Variants in RAB27A observed in about 807,000 individuals in gnomAD.
The protein encoded by RAB27A is RAB27A, member RAS oncogene family.
A neutral mutation model predicts 20.8 loss-of-function variants in RAB27A; 17 were observed. That is an observed-to-expected ratio of 0.82 (90% CI 0.56 to 1.23). The LOEUF (loss-of-function observed/expected upper bound fraction) is 1.23, where lower values mean the gene tolerates loss of function less well. Ranked by LOEUF, RAB27A falls within the 50% of genes most tolerant of loss-of-function variation. The pLI, the probability that RAB27A is intolerant of heterozygous loss-of-function variation, is 0.00. For missense variants in RAB27A, 277 were observed against 266.7 expected, an observed-to-expected ratio of 1.04 and a Z score of -0.27; for synonymous variants, 85 against 92.8, an observed-to-expected ratio of 0.92 and a Z score of 0.48.
intron 2 of RAB27A, among the ~76,000 whole-genome samples, chr15:55,236,750 G>T (rs1360134231): frequency 6.6e-6 from 1 of 151,676 alleles, no homozygotes; most frequent in African/African-American, 2.4e-5. Flanking sequence ...ATTTTTATGG[G>T]GTACATGTAA....
chr15:55,211,958 C>CTT (rs539618132), intron 6 of RAB27A, among the ~76,000 whole-genome samples: 2,017 of 124,284 alleles, frequency 0.016, 56 homozygotes, highest in African/African-American at 0.055. Flanking sequence ...GGACTATAAC[C>CTT]TTTTTTTTTT....
At chr15:55,259,441 C>A (rs567803031) in intron 2 of RAB27A, among the ~76,000 whole-genome samples, 6 of 151,292 alleles carry the variant, frequency 4.0e-5, no homozygotes, top group South Asian at 2.1e-4. Context: ...TGAGTCGCCA[C>A]GCCCAGCTAA....
rs536645341 is a variant in RAB27A, at chr15:55,207,354, G to A, written c.468-1649C>T. Among the ~76,000 whole-genome samples, 12 of 152,312 alleles carry A rather than the reference G, an allele frequency of 7.9e-5. No individual in the cohort carries two copies. In the South Asian group the frequency reaches 2.3e-3, roughly 29 times the overall value. On this transcript the variant is annotated intron_variant, in intron 6 of 6. Transcript: ENST00000336787. ...CAGGAAGTGAGTTACAGGGATACATGAGACATCAGCAATCCCTCAGTCCTT... is the reference window on the plus strand; with the variant it reads ...CAGGAAGTGAGTTACAGGGATACATAAGACATCAGCAATCCCTCAGTCCTT...
chr15:55,317,962 TTATAA>T (rs201778280), intron 1 of RAB27A: 18,295 of 370,038 alleles, frequency 0.049, 616 homozygotes, highest in Middle Eastern at 0.079. Context: ...AACAATATTT[TTATAA>T]TATGTTACTA....
chr15:55,284,849 C>G (rs1055512814), intron 1 of RAB27A, among the ~76,000 whole-genome samples: 3 of 152,192 alleles, frequency 2.0e-5, no homozygotes, highest in Non-Finnish European at 4.4e-5. Context: ...CTATAAAAGA[C>G]TAGAGTAAAA....
chr15:55,285,997 T>G (rs1898142007), intron 1 of RAB27A, among the ~76,000 whole-genome samples: 1 of 152,182 alleles, frequency 6.6e-6, no homozygotes, highest in Non-Finnish European at 1.5e-5. Context: ...ACTATTATTT[T>G]TGGGAAAGTA....
intron 1 of RAB27A, among the ~76,000 whole-genome samples, chr15:55,282,316 A>G (rs1286522001): frequency 1.3e-5 from 2 of 152,240 alleles, no homozygotes; most frequent in African/African-American, 4.8e-5. Flanking sequence ...CCTGCCATCA[A>G]TTAGCTATGT....
At chr15:55,235,734 A>G (rs1896227938) in intron 2 of RAB27A, among the ~76,000 whole-genome samples, 1 of 152,054 alleles carries the variant, frequency 6.6e-6, no homozygotes, top group African/African-American at 2.4e-5. Flanking sequence ...GAACCAGTCC[A>G]AATGCTCACC....
rs555954047 is a variant in RAB27A, at chr15:55,297,261, G to A, written c.-112+16778C>T. On this transcript the variant is annotated intron_variant, in intron 2 of 5. Transcript: ENST00000563262. ...CCTAAAAAATGTCTAGTAAGAAATTGTGTCAAAGAAATACGTGCATGTGTG... is the reference window on the plus strand; with the variant it reads ...CCTAAAAAATGTCTAGTAAGAAATTATGTCAAAGAAATACGTGCATGTGTG... Among the ~76,000 whole-genome samples the A allele has an allele frequency of 7.2e-5, 11 of 152,358 alleles. No homozygotes were observed. In the South Asian group the frequency reaches 1.4e-3, roughly 20 times the overall value.
At chr15:55,260,163 T>C (rs1164574382) in intron 2 of RAB27A, 2 of 152,210 alleles carry the variant, frequency 1.3e-5, no homozygotes, top group East Asian at 1.9e-4. Flanking sequence ...GATATACAAA[T>C]GGCAAATATG....
At chr15:55,212,136 T>G (rs1031024672) in intron 6 of RAB27A, among the ~76,000 whole-genome samples, 1 of 152,170 alleles carries the variant, frequency 6.6e-6, no homozygotes, top group Non-Finnish European at 1.5e-5. Flanking sequence ...CTATGTGTCT[T>G]ACATACATGA....
intron 2 of RAB27A, among the ~76,000 whole-genome samples, chr15:55,259,374 T>A (rs1216993534): frequency 1.3e-5 from 2 of 151,914 alleles, no homozygotes; most frequent in Admixed American, 6.6e-5. Context: ...CAGCCTCAAC[T>A]TCTCAGGCTC....
intron 2 of RAB27A, among the ~76,000 whole-genome samples, chr15:55,244,339 C>CA (rs1326463415): frequency 5.9e-5 from 9 of 151,738 alleles, no homozygotes; most frequent in South Asian, 2.1e-4. Flanking sequence ...ACAAACAAAA[C>CA]AAAACAAAAA....
rs1838969643 is a variant in RAB27A at position 55,204,856 on chromosome 15, C to A, written c.*651G>T. On this transcript the variant is annotated 3_prime_UTR_variant, in exon 7 of 7. Transcript: ENST00000336787. Reference sequence around the variant, plus strand: ...TATTACATTAAGCCAGCCTGCCCCACCCCAATCCCCTTCCCACCAATAAAA... The same window carrying A: ...TATTACATTAAGCCAGCCTGCCCCAACCCAATCCCCTTCCCACCAATAAAA... 1 of 153,430 alleles carries A rather than the reference C, an allele frequency of 6.5e-6. No individual in the cohort carries two copies. The highest frequency in any genetic ancestry group is 1.4e-5 in the Non-Finnish European group (1 of 69,024). The allele number at this position is 153,430 out of a possible 1,614,324, so 9.5% of individuals were successfully genotyped here.
At chr15:55,265,403 TA>T (rs950991792) in intron 2 of RAB27A, among the ~76,000 whole-genome samples, 2 of 152,176 alleles carry the variant, frequency 1.3e-5, no homozygotes, top group Admixed American at 6.5e-5. Flanking sequence ...AGCTAAGGAC[TA>T]AAGTCAGAAT....
chr15:55,251,799 T>C (rs1480330461), intron 2 of RAB27A, among the ~76,000 whole-genome samples: 1 of 152,216 alleles, frequency 6.6e-6, no homozygotes, highest in African/African-American at 2.4e-5. Context: ...TCATTTTCTT[T>C]CTATGAATTC....
chr15:55,274,512 T>A (rs1285773115), intron 1 of RAB27A, among the ~76,000 whole-genome samples: 5 of 151,178 alleles, frequency 3.3e-5, no homozygotes, highest in Non-Finnish European at 7.4e-5. Flanking sequence ...GTGCGGTGGT[T>A]CATGCCTGTA....
intron 1 of RAB27A, among the ~76,000 whole-genome samples, chr15:55,315,252 A>T (rs1479120336): frequency 6.6e-6 from 1 of 152,228 alleles, no homozygotes; most frequent in Non-Finnish European, 1.5e-5. Context: ...CCTTATACAA[A>T]AATTAACTCA....
chr15:55,228,516 C>T, intron 5 of RAB27A, 93 bp downstream of exon 5: 1 of 1,016,530 alleles, frequency 9.8e-7, no homozygotes, highest in Non-Finnish European at 1.6e-6. Flanking sequence ...AGATCTCCTC[C>T]AAAACGATTT....
Sources: allele counts gnomAD v4.1 joint callset (sites outside exome capture counted in the v4.1 genomes callset), GRCh38; gene constraint gnomAD v4.1.1; transcripts MANE v1.5; gene names NCBI Gene and HGNC (gene_info 2026-07-23, HGNC 2026-07-21).